IGSF11: variants seen among roughly 807,000 people sequenced by gnomAD.
The protein encoded by IGSF11 is immunoglobulin superfamily member 11.
In IGSF11, 22 loss-of-function variants were observed where a neutral mutation model predicts 41.0. The observed-to-expected ratio is 0.54, with a 90% CI of 0.38 to 0.77. IGSF11 has a LOEUF of 0.77. Ranked by LOEUF, IGSF11 falls within the 30% of genes least tolerant of loss-of-function variation. IGSF11 has a pLI of 0.00. For missense variants in IGSF11, 444 were observed against 530.8 expected (o/e 0.84, Z 1.61); for synonymous variants, 219 against 201.3 (o/e 1.09, Z -0.74).
chr3:118,912,489 A>G (rs1312684697), intron 4 of IGSF11, among the ~76,000 whole-genome samples: 1 of 152,186 alleles, frequency 6.6e-6, no homozygotes, highest in Non-Finnish European at 1.5e-5. Context: ...ACTCACCAGT[A>G]CAGGGCCCAG....
chr3:118,917,485 A>G (rs1225891697), intron 4 of IGSF11, among the ~76,000 whole-genome samples: 1 of 143,720 alleles, frequency 7.0e-6, no homozygotes, highest in Non-Finnish European at 1.5e-5. Context: ...ACACCTCTAC[A>G]CAAATAAACT....
At chr3:119,020,426 A>G (rs1031702709) in intron 1 of IGSF11, among the ~76,000 whole-genome samples, 6 of 152,236 alleles carry the variant, frequency 3.9e-5, no homozygotes, top group Admixed American at 3.3e-4. Flanking sequence ...TCCAAAGAAC[A>G]CATACTACCA....
chr3:119,049,443 G>T (rs1396206214), intron 1 of IGSF11, among the ~76,000 whole-genome samples: 1 of 152,212 alleles, frequency 6.6e-6, no homozygotes, highest in Non-Finnish European at 1.5e-5. Flanking sequence ...ACTTACAAGG[G>T]ATGTGAAGGA....
chr3:118,938,645 C>T (rs1184781174), intron 1 of IGSF11, among the ~76,000 whole-genome samples: 1 of 152,190 alleles, frequency 6.6e-6, no homozygotes, highest in African/African-American at 2.4e-5. Context: ...ACATGAGTCA[C>T]TATGGTTTAT....
chr3:118,941,276 TC>T (rs1943675833), intron 1 of IGSF11, among the ~76,000 whole-genome samples: 1 of 152,050 alleles, frequency 6.6e-6, no homozygotes, highest in African/African-American at 2.4e-5. Flanking sequence ...CTCTTAAAAT[TC>T]AACAAAACAA....
At chr3:118,980,576 T>C (rs1934612461) in intron 1 of IGSF11, among the ~76,000 whole-genome samples, 1 of 152,170 alleles carries the variant, frequency 6.6e-6, no homozygotes, top group South Asian at 2.1e-4. Context: ...GGTACAAACA[T>C]ACCATTAGAT....
chr3:118,985,253 G>A (rs1252130802), intron 1 of IGSF11, among the ~76,000 whole-genome samples: 2 of 152,138 alleles, frequency 1.3e-5, no homozygotes, highest in Non-Finnish European at 2.9e-5. Flanking sequence ...GGAATTGAAA[G>A]AGAAAAGGGA....
chr3:119,066,472 C>T (rs1942237060), intron 1 of IGSF11, among the ~76,000 whole-genome samples: 1 of 152,192 alleles, frequency 6.6e-6, no homozygotes, highest in Non-Finnish European at 1.5e-5. Context: ...CTCTGGATCT[C>T]TAATTAAACA....
intron 1 of IGSF11, among the ~76,000 whole-genome samples, chr3:119,111,418 T>G (rs1301644256): frequency 1.3e-5 from 2 of 152,260 alleles, no homozygotes; most frequent in African/African-American, 2.4e-5. Flanking sequence ...CACGTAGTTC[T>G]TGAGCCTCGG....
chr3:119,027,225 C>G (rs1395652136), intron 1 of IGSF11, among the ~76,000 whole-genome samples: 2 of 152,096 alleles, frequency 1.3e-5, no homozygotes, highest in Non-Finnish European at 2.9e-5. Flanking sequence ...TTTAATATAA[C>G]AAGTAGGAAA....
At chr3:118,914,424 C>T (rs1280669977) in intron 4 of IGSF11, among the ~76,000 whole-genome samples, 4 of 151,330 alleles carry the variant, frequency 2.6e-5, no homozygotes, top group Non-Finnish European at 5.9e-5. Flanking sequence ...CGAAGCAGGG[C>T]GAGGCATTGC....
At chr3:119,064,866 A>T (rs897047515) in intron 1 of IGSF11, among the ~76,000 whole-genome samples, 2 of 152,206 alleles carry the variant, frequency 1.3e-5, no homozygotes, top group Non-Finnish European at 2.9e-5. Context: ...CATCTAACTT[A>T]TTTCCAAAAA....
At chr3:119,125,817 G>T (rs61672117) in intron 1 of IGSF11, among the ~76,000 whole-genome samples, 14,582 of 152,194 alleles carry the variant, frequency 0.096, 987 homozygotes, top group African/African-American at 0.17. Flanking sequence ...TGAGAGCCAC[G>T]TGGGGAAGGG....
intron 1 of IGSF11, among the ~76,000 whole-genome samples, chr3:119,078,854 T>G (rs557299765): frequency 6.6e-6 from 1 of 152,072 alleles, no homozygotes; most frequent in South Asian, 2.1e-4. Context: ...TATAGGGAAT[T>G]TAAACAAATC....
chr3:118,963,467 G>A (rs1945473452), intron 1 of IGSF11, among the ~76,000 whole-genome samples: 1 of 152,150 alleles, frequency 6.6e-6, no homozygotes, highest in Admixed American at 6.5e-5. Flanking sequence ...AATTCATTTT[G>A]ATCATGTGAT....
intron 1 of IGSF11, among the ~76,000 whole-genome samples, chr3:118,935,375 T>TATACAC (rs1553755321): frequency 8.8e-6 from 1 of 113,514 alleles, no homozygotes; most frequent in African/African-American, 3.7e-5. Flanking sequence ...CTGAGATATA[T>TATACAC]ACACACACAC....
chr3:119,020,701 C>T (rs1939201875), intron 1 of IGSF11, among the ~76,000 whole-genome samples: 2 of 152,316 alleles, frequency 1.3e-5, no homozygotes, highest in South Asian at 4.1e-4. Context: ...ATCAAATGTG[C>T]CATGCCTCAC....
chr3:119,027,434 C>T (rs1417853594), intron 1 of IGSF11, among the ~76,000 whole-genome samples: 1 of 152,052 alleles, frequency 6.6e-6, no homozygotes, highest in East Asian at 1.9e-4. Context: ...AAATGAGATG[C>T]GAAAGCAGAC....
chr3:119,077,125 G>A (rs1331935401), intron 1 of IGSF11, among the ~76,000 whole-genome samples: 2 of 152,102 alleles, frequency 1.3e-5, no homozygotes, highest in Non-Finnish European at 2.9e-5. Context: ...GTAGGGACAT[G>A]GATGAAGCTG....
Sources: allele counts gnomAD v4.1 joint callset (sites outside exome capture counted in the v4.1 genomes callset), GRCh38; gene constraint gnomAD v4.1.1; transcripts MANE v1.5; gene names NCBI Gene and HGNC (gene_info 2026-07-23, HGNC 2026-07-21).